The following RBFOX1 variants were observed in gnomAD, a reference collection of about 807,000 sequenced individuals.
The protein encoded by RBFOX1 is RNA binding protein fox-1 homolog 1.
Under a neutral mutation model 57.7 loss-of-function variants are expected in RBFOX1, and 8 were observed. That is an observed-to-expected ratio of 0.14 (90% CI 0.08 to 0.25). RBFOX1 has a LOEUF of 0.25. Ranked by LOEUF, RBFOX1 falls within the 10% of genes least tolerant of loss-of-function variation. The pLI, the probability that RBFOX1 is intolerant of heterozygous loss-of-function variation, is 1.00. For synonymous variants in RBFOX1, 326 were observed against 222.4 expected, an observed-to-expected ratio of 1.47 and a Z score of -4.15; for missense variants, 611 against 548.5, an observed-to-expected ratio of 1.11 and a Z score of -1.14.
chr16:6,898,568 G>T (rs777651811), intron 3 of RBFOX1, among the ~76,000 whole-genome samples: 2 of 152,158 alleles, frequency 1.3e-5, no homozygotes, highest in Non-Finnish European at 2.9e-5. Context: ...GTGTTACACG[G>T]TACATAAACT....
At chr16:5,728,341 G>T (rs2052232485) in intron 3 of RBFOX1, among the ~76,000 whole-genome samples, 1 of 152,152 alleles carries the variant, frequency 6.6e-6, no homozygotes, top group African/African-American at 2.4e-5. Context: ...TATCCCTATT[G>T]TCAAAAGCTC....
chr16:6,696,789 A>C (rs1026851282), intron 3 of RBFOX1, among the ~76,000 whole-genome samples: 1 of 152,132 alleles, frequency 6.6e-6, no homozygotes, highest in African/African-American at 2.4e-5. Context: ...TTAGTTTTGT[A>C]GAAAAAAAGA....
At chr16:6,057,613 C>T (rs964452195) in intron 1 of RBFOX1, among the ~76,000 whole-genome samples, 7 of 151,950 alleles carry the variant, frequency 4.6e-5, no homozygotes, top group African/African-American at 1.2e-4. Context: ...CCAAGAATGC[C>T]GCCAGGCGTT....
At chr16:5,403,114 G>C (rs1471583231) in intron 1 of RBFOX1, among the ~76,000 whole-genome samples, 2 of 152,036 alleles carry the variant, frequency 1.3e-5, no homozygotes, top group Admixed American at 1.3e-4. Context: ...CACTTTGGGG[G>C]CCCAGGCAGG....
chr16:7,078,148 T>C (rs768937948), intron 4 of RBFOX1, among the ~76,000 whole-genome samples: 7 of 152,206 alleles, frequency 4.6e-5, no homozygotes, highest in African/African-American at 1.4e-4. Context: ...TTCTCATCTT[T>C]AGTCTCTGGA....
At chr16:7,495,218 C>A (rs781315221) in intron 4 of RBFOX1, among the ~76,000 whole-genome samples, 2 of 152,160 alleles carry the variant, frequency 1.3e-5, no homozygotes, top group Non-Finnish European at 2.9e-5. Flanking sequence ...CAGTCCACCG[C>A]TGATACACAC....
At chr16:7,686,803 G>A (rs1273833986) in intron 14 of RBFOX1, among the ~76,000 whole-genome samples, 3 of 152,060 alleles carry the variant, frequency 2.0e-5, no homozygotes, top group East Asian at 3.9e-4. Context: ...CCTGAGCCTA[G>A]ACAAGAAGTG....
At chr16:6,411,587 C>G (rs750998131) in intron 2 of RBFOX1, among the ~76,000 whole-genome samples, 1 of 152,114 alleles carries the variant, frequency 6.6e-6, no homozygotes, top group Non-Finnish European at 1.5e-5. Context: ...ATTACCCGAG[C>G]TATTAATTAA....
chr16:5,782,355 G>C (rs1009013162), intron 3 of RBFOX1, among the ~76,000 whole-genome samples: 1 of 152,158 alleles, frequency 6.6e-6, no homozygotes, highest in Non-Finnish European at 1.5e-5. Context: ...CTATGATGGA[G>C]GGGACAGAAG....
chr16:7,709,759 G>C, intron 15 of RBFOX1: 6 of 148,350 alleles, frequency 4.0e-5, no homozygotes, highest in Non-Finnish European at 6.8e-5. Flanking sequence ...GAGGGGGTGG[G>C]GGGAGGGTAA....
chr16:7,152,378 A>C (rs950870428), intron 4 of RBFOX1, among the ~76,000 whole-genome samples: 1 of 152,250 alleles, frequency 6.6e-6, no homozygotes, highest in Non-Finnish European at 1.5e-5. Context: ...CCATGGTTGC[A>C]TCCAGTACCT....
chr16:5,640,992 C>T (rs1596551088), intron 3 of RBFOX1, among the ~76,000 whole-genome samples: 1 of 150,970 alleles, frequency 6.6e-6, no homozygotes, highest in African/African-American at 2.4e-5. Context: ...GCATATCATG[C>T]ATACATATGC....
At chr16:6,972,213 A>T (rs2085725949) in intron 3 of RBFOX1, among the ~76,000 whole-genome samples, 1 of 152,106 alleles carries the variant, frequency 6.6e-6, no homozygotes. Flanking sequence ...CATCCTCTAA[A>T]TCTGAAACTC....
intron 1 of RBFOX1, among the ~76,000 whole-genome samples, chr16:5,288,779 G>T (rs1444359873): frequency 1.3e-5 from 2 of 151,986 alleles, no homozygotes; most frequent in African/African-American, 4.8e-5. Flanking sequence ...ATGCTGTTAA[G>T]AAAACCCAGC....
At chr16:7,583,136 C>A (rs1000007711) in intron 6 of RBFOX1, among the ~76,000 whole-genome samples, 1 of 143,846 alleles carries the variant, frequency 7.0e-6, no homozygotes, top group East Asian at 2.0e-4. Flanking sequence ...GGCATTAAAT[C>A]TTCTAGCTCA....
intron 4 of RBFOX1, among the ~76,000 whole-genome samples, chr16:5,873,431 T>C (rs2057528296): frequency 2.0e-5 from 3 of 152,208 alleles, no homozygotes; most frequent in Non-Finnish European, 4.4e-5. Flanking sequence ...AGTCATGCTT[T>C]GATAGTCATC....
chr16:7,546,947 T>C (rs538166827), intron 5 of RBFOX1, among the ~76,000 whole-genome samples: 1 of 152,288 alleles, frequency 6.6e-6, no homozygotes, highest in African/African-American at 2.4e-5. Context: ...ATGCACATTT[T>C]TTAAGGCTTT....
intron 4 of RBFOX1, among the ~76,000 whole-genome samples, chr16:7,287,300 G>A (rs144148041): frequency 1.2e-4 from 19 of 152,168 alleles, no homozygotes; most frequent in African/African-American, 3.6e-4. Context: ...CCAGAATGAT[G>A]AGCTGTCACA....
At chr16:6,076,136 T>C (rs1159038315) in intron 1 of RBFOX1, among the ~76,000 whole-genome samples, 1 of 151,994 alleles carries the variant, frequency 6.6e-6, no homozygotes, top group Admixed American at 6.6e-5. Context: ...CCATCTCTAA[T>C]AAAAATACAA....
Sources: allele counts gnomAD v4.1 joint callset (sites outside exome capture counted in the v4.1 genomes callset), GRCh38; gene constraint gnomAD v4.1.1; transcripts MANE v1.5; gene names NCBI Gene and HGNC (gene_info 2026-07-23, HGNC 2026-07-21).